The following LY6E variants were observed in gnomAD, a reference collection of about 807,000 sequenced individuals.
LY6E encodes lymphocyte antigen 6 family member E, also known as lymphocyte antigen 6E.
Under a neutral mutation model 7.7 loss-of-function variants are expected in LY6E, and 4 were observed. That is an observed-to-expected ratio of 0.52 (90% confidence interval 0.25 to 1.18). The LOEUF (loss-of-function observed/expected upper bound fraction) is 1.18. Ranked by LOEUF, LY6E falls within the 50% of genes most tolerant of loss-of-function variation. The probability of loss-of-function intolerance (pLI) is 0.14; values close to 1 mark genes in which losing one functional copy is unlikely to be tolerated. For missense variants in LY6E, 156 were observed against 168.0 expected, an observed-to-expected ratio of 0.93 and a Z score of 0.40; for synonymous variants, 81 against 80.1, an observed-to-expected ratio of 1.01 and a Z score of -0.06.
chr8:143,021,054 C>T, intron 2 of LY6E, 63 bp downstream of exon 2: 1 of 1,570,106 alleles, frequency 6.4e-7, no homozygotes, highest in Non-Finnish European at 8.7e-7. Context: ...TCCCTCTCCA[C>T]CCCTCTCCCC....
chr8:143,019,683 C>T (rs775898798), intron 1 of LY6E, among the ~76,000 whole-genome samples: 3 of 152,218 alleles, frequency 2.0e-5, no homozygotes, highest in Non-Finnish European at 2.9e-5. Flanking sequence ...GCCTGCTGCT[C>T]TCCCCTTAGG....
In LY6E at chr8:143,018,561, C is replaced by T. The variant is rs1169461952; in HGVS notation, c.-83C>T. ...GCGAGGTTCGGGGAGCTCGGCCAGG[C>T]TGCTGGTACCTGCGTCCGCCCGGCG... On this transcript the variant is annotated 5_prime_UTR_variant, in exon 1 of 4. Coordinates refer to ENST00000292494, the MANE Select transcript of LY6E (RefSeq NM_002346.3). 1.3e-5 allele frequency: 2 copies of T among 151,444 alleles called. No individual in the cohort carries two copies. Among genetic ancestry groups the T allele is most frequent in the Non-Finnish European group, 2.9e-5 (2 of 68,212 alleles). The allele number at this position is 151,444 out of a possible 1,614,324, so 9.4% of individuals were successfully genotyped here.
rs1248591663 is a variant in LY6E at position 143,022,125 on chromosome 8, G to A, written c.*336G>A. The A allele has an allele frequency of 1.8e-5, 8 of 451,480 alleles. No homozygotes were observed. Among genetic ancestry groups the A allele is most frequent in the African/African-American group, 3.9e-5 (2 of 50,720 alleles). The allele number at this position is 451,480 out of a possible 1,614,324, so 28.0% of individuals were successfully genotyped here. A position where few individuals can be genotyped will look rare whatever the true frequency, so the allele number is the denominator to read the frequency against. ...GGAGACCGTGTCAGTAGGGATGTGTGCCTGGCTGTGTACGTGGGTGTGCAG... is the reference window on the plus strand; with the variant it reads ...GGAGACCGTGTCAGTAGGGATGTGTACCTGGCTGTGTACGTGGGTGTGCAG... On this transcript the variant is annotated 3_prime_UTR_variant, in exon 4 of 4. Transcript: ENST00000292494.
At chr8:143,021,142 G>C in intron 2 of LY6E, 151 bp downstream of exon 2, 1 of 1,232,808 alleles carries the variant, frequency 8.1e-7, no homozygotes, top group East Asian at 2.5e-5. Context: ...GTCTCACTGT[G>C]TGTTTGAGTG....
chr8:143,020,861 C>G (rs761937863), intron 1 of LY6E, 22 bp from the exon 2 acceptor site: 7 of 1,415,658 alleles, frequency 4.9e-6, no homozygotes, highest in South Asian at 1.2e-5. Flanking sequence ...CACCCGGCCC[C>G]CTAACCAGTG....
chr8:143,020,904 T>A lies in LY6E; in HGVS notation c.-36T>A. 2 of 1,609,006 alleles carry A rather than the reference T, an allele frequency of 1.2e-6. No homozygotes were observed. The highest frequency in any genetic ancestry group is 1.7e-6 in the Non-Finnish European group (2 of 1,176,308). ...CCAGAGCAGGACAGGCTGCTTTGGT[T>A]TGTGACCTCCAGGCAGGACGGCCAT... On this transcript the variant is annotated 5_prime_UTR_variant, in exon 2 of 4. In the 5' UTR this introduces an upstream ATG that the reference lacks. Coordinates refer to ENST00000292494, the MANE Select transcript of LY6E (RefSeq NM_002346.3).
Position 143,021,715 on chromosome 8 carries a change from C to T in LY6E, c.322C>T (p.Arg108Trp), listed in dbSNP as rs201707330. 1.5e-5 allele frequency: 25 copies of T among 1,613,228 alleles called. No homozygotes were observed. Among genetic ancestry groups the T allele is most frequent in the Non-Finnish European group, 1.9e-5 (23 of 1,180,024 alleles). The change falls in exon 4 of 4, where the codon CGG (arginine) becomes TGG (tryptophan). Residue 108 changes from arginine to tryptophan, a missense_variant. By Grantham distance (101) the Arg-to-Trp change is moderately radical. Coordinates refer to ENST00000292494, the MANE Select transcript of LY6E (RefSeq NM_002346.3). ...CNFSAADGGL[R>W]ASVTLLGAGL... The stretch of plus-strand genomic sequence containing the variant: ...TTTCAGTGCGGCCGATGGCGGGCTG[C>T]GGGCAAGCGTCACCCTGCTGGGTGC...
chr8:143,020,561 ACCATTCC>A (rs567573576), intron 1 of LY6E, among the ~76,000 whole-genome samples: 63 of 152,150 alleles, frequency 4.1e-4, no homozygotes, highest in South Asian at 2.1e-3. Context: ...ATGACTGATC[ACCATTCC>A]CCATTCCCCA....
chr8:143,020,404 G>C (rs1407456625), intron 1 of LY6E: 1 of 154,712 alleles, frequency 6.5e-6, no homozygotes, highest in Non-Finnish European at 1.4e-5. Flanking sequence ...GCTAATTTTT[G>C]TATTTTTTGT....
Position 143,021,073 on chromosome 8 carries a change from C to A in LY6E, c.52+82C>A, listed in dbSNP as rs530982606. ...TCTCCACCCCTCTCCCCTGAGCAGACGCCCCAGGGGTCCTTCCAGGCCGCT... is the reference window on the plus strand; with the variant it reads ...TCTCCACCCCTCTCCCCTGAGCAGAAGCCCCAGGGGTCCTTCCAGGCCGCT... On this transcript the variant is annotated intron_variant, in intron 2 of 3. Transcript: ENST00000292494. The A allele has an allele frequency of 4.0e-6, 6 of 1,507,084 alleles. No individual in the cohort carries two copies. The African/African-American group carries it at 6.9e-5, about 17-fold the overall frequency. The allele number at this position is 1,507,084 out of a possible 1,614,324, so 93.4% of individuals were successfully genotyped here.
intron 1 of LY6E, among the ~76,000 whole-genome samples, chr8:143,019,524 G>A (rs918773127): frequency 6.6e-6 from 1 of 152,204 alleles, no homozygotes; most frequent in Non-Finnish European, 1.5e-5. Context: ...TCACTTTAGG[G>A]GGGTGGGGGG....
At position 143,020,981 on chromosome 8, in the gene LY6E, T is replaced by C. The variant is rs1189859727; in HGVS notation, c.42T>C (p.Gly14=). The C allele has an allele frequency of 3.7e-6, 6 of 1,613,770 alleles. No homozygotes were observed. The highest frequency in any genetic ancestry group is 5.1e-6 in the Non-Finnish European group (6 of 1,179,980). Residue 14 remains glycine (G), a synonymous_variant, in exon 2 of 4, where the codon GGT becomes GGC. Coordinates refer to ENST00000292494, the MANE Select transcript of LY6E (RefSeq NM_002346.3). ...CAGTGCTGCTGGCTGCCCTTCTGGG[T>C]GTGGAGCGAGGTGAGGTGCCCTTGG... is the stretch of plus-strand genomic sequence containing the variant. The part of the protein sequence containing the change: ...FLPVLLAALL[G]VERASSLMCF...
intron 2 of LY6E, 96 bp downstream of exon 2, chr8:143,021,087 T>C: frequency 7.1e-7 from 1 of 1,410,076 alleles, no homozygotes; most frequent in African/African-American, 1.4e-5. Flanking sequence ...CCAGGGGTCC[T>C]TCCAGGCCGC....
rs1166525802 is a variant in LY6E at position 143,020,924 on chromosome 8, G to A, written c.-16G>A. ...TTGGTTTGTGACCTCCAGGCAGGAC[G>A]GCCATCCTCTCCAGAATGAAGATCT... On this transcript the variant is annotated 5_prime_UTR_variant, in exon 2 of 4. Transcript: ENST00000292494. 3.1e-6 allele frequency: 5 copies of A among 1,613,454 alleles called. No homozygotes were observed. Among genetic ancestry groups the A allele is most frequent in the East Asian group, 2.2e-5 (1 of 44,896 alleles).
Position 143,021,728 on chromosome 8 carries a change from C to G in LY6E, c.335C>G (p.Thr112Ser). The part of the protein sequence containing the change: ...AADGGLRASV[T>S]LLGAGLLLSL... ...GATGGCGGGCTGCGGGCAAGCGTCA[C>G]CCTGCTGGGTGCCGGGCTGCTGCTG... The change falls in exon 4 of 4, where the codon ACC (threonine) becomes AGC (serine). Residue 112 changes from threonine to serine, a missense_variant. Physicochemically the swap from Thr to Ser is moderately conservative, Grantham distance 58. Coordinates refer to ENST00000292494, the MANE Select transcript of LY6E (RefSeq NM_002346.3). 6.2e-7 allele frequency: 1 copy of G among 1,613,068 alleles called. No homozygotes were observed. Among genetic ancestry groups the G allele is most frequent in the South Asian group, 1.1e-5 (1 of 91,078 alleles).
intron 1 of LY6E, 60 bp from the exon 2 acceptor site, chr8:143,020,823 T>G: frequency 3.5e-6 from 3 of 856,562 alleles, no homozygotes; most frequent in Non-Finnish European, 3.8e-6. Context: ...AAAGTGGGGG[T>G]GCATGGTCTT....
chr8:143,019,488 C>G (rs182304283), intron 1 of LY6E, among the ~76,000 whole-genome samples: 2 of 152,340 alleles, frequency 1.3e-5, no homozygotes, highest in East Asian at 3.9e-4. Flanking sequence ...TCAGAGACAG[C>G]TCAGGGACCC....
Position 143,021,001 on chromosome 8 carries a change from C to CG in LY6E, c.52+10_52+11insG. 1 of 1,587,236 alleles carries CG rather than the reference C, an allele frequency of 6.3e-7. No individual in the cohort carries two copies. Among genetic ancestry groups the CG allele is most frequent in the Non-Finnish European group, 8.6e-7 (1 of 1,167,008 alleles). ...CTGGGTGTGGAGCGAGGTGAGGTGCCCTTGGGGACCCCAGACCTTTGTCCA... is the reference window on the plus strand; with the variant it reads ...CTGGGTGTGGAGCGAGGTGAGGTGCCGCTTGGGGACCCCAGACCTTTGTCCA... On this transcript the variant is annotated intron_variant, in intron 2 of 3. Transcript: ENST00000292494.
At position 143,021,010 on chromosome 8, in the gene LY6E, C is replaced by A; in HGVS notation, c.52+19C>A. On this transcript the variant is annotated intron_variant, in intron 2 of 3. Transcript: ENST00000292494. Reference sequence around the variant, plus strand: ...GAGCGAGGTGAGGTGCCCTTGGGGACCCCAGACCTTTGTCCAGCTGTGCCC... The same window carrying A: ...GAGCGAGGTGAGGTGCCCTTGGGGAACCCAGACCTTTGTCCAGCTGTGCCC... 1.3e-6 allele frequency: 2 copies of A among 1,592,232 alleles called. No individual in the cohort carries two copies. Among genetic ancestry groups the A allele is most frequent in the Non-Finnish European group, 1.7e-6 (2 of 1,169,428 alleles).
Sources: allele counts gnomAD v4.1 joint callset (sites outside exome capture counted in the v4.1 genomes callset), GRCh38; gene constraint gnomAD v4.1.1; transcripts MANE v1.5; gene names NCBI Gene and HGNC (gene_info 2026-07-23, HGNC 2026-07-21).